The following AACS variants were observed in gnomAD, a reference collection of about 807,000 sequenced individuals.
AACS encodes acetoacetyl-CoA synthetase, also known as acetoacetate-CoA ligase.
Under a neutral mutation model 83.1 loss-of-function variants are expected in AACS, and 69 were observed. That is an observed-to-expected ratio of 0.83 (90% confidence interval 0.68 to 1.01). The LOEUF (loss-of-function observed/expected upper bound fraction) is 1.01. AACS is among the 50% of genes least tolerant of loss of function. The pLI, the probability that AACS is intolerant of heterozygous loss-of-function variation, is 0.00. For missense variants in AACS, 866 were observed against 882.2 expected (o/e 0.98, Z 0.23); for synonymous variants, 333 against 343.4 (o/e 0.97, Z 0.33).
At chr12:125,116,584 C>T (rs961403564) in intron 9 of AACS, among the ~76,000 whole-genome samples, 4 of 152,194 alleles carry the variant, frequency 2.6e-5, no homozygotes, top group African/African-American at 9.7e-5. Flanking sequence ...CTGCCTCAGC[C>T]TCCCGAGTAG....
In AACS at chr12:125,142,669, T is replaced by A. The variant is rs1957518914; in HGVS notation, c.*440T>A. ...TCCTGTTTTCCCTCAGGGTCCAGTA[T>A]GCCTTTGAGCTTTAGCTGTTAGAAA... On this transcript the variant is annotated 3_prime_UTR_variant, in exon 18 of 18. Transcript: ENST00000316519. The A allele has an allele frequency of 6.3e-6, 1 of 158,260 alleles. No individual in the cohort carries two copies. Among genetic ancestry groups the A allele is most frequent in the Non-Finnish European group, 1.4e-5 (1 of 71,694 alleles). 9.8% of individuals were successfully genotyped at this position (158,260 alleles called of 1,614,324 possible). A position where few individuals can be genotyped will look rare whatever the true frequency, so the allele number is the denominator to read the frequency against.
chr12:125,117,735 C>T (rs1019240029), intron 9 of AACS: 4 of 152,230 alleles, frequency 2.6e-5, no homozygotes, highest in Admixed American at 2.6e-4. Flanking sequence ...CCTGTAATAC[C>T]AGCACTTTGT....
intron 5 of AACS, among the ~76,000 whole-genome samples, chr12:125,093,768 T>C (rs1004850976): frequency 6.6e-6 from 1 of 152,198 alleles, no homozygotes; most frequent in African/African-American, 2.4e-5. Context: ...CTGTCGCTCA[T>C]TTTGCTAGTG....
chr12:125,128,345 T>A, intron 13 of AACS, 71 bp downstream of exon 13: 1 of 1,368,386 alleles, frequency 7.3e-7, no homozygotes, highest in Non-Finnish European at 1.0e-6. Context: ...TTCGGATGTG[T>A]AACTTTGCTT....
In AACS at chr12:125,143,304, G is replaced by A. The variant is rs895645805; in HGVS notation, c.*1075G>A. ...AATTTTATGCAATAAATGTATACAT[G>A]TGTGCACATGCACCCATGCTGTGTG... is the stretch of plus-strand genomic sequence containing the variant. On this transcript the variant is annotated 3_prime_UTR_variant, in exon 18 of 18. Coordinates refer to ENST00000316519, the MANE Select transcript of AACS (RefSeq NM_023928.5). 3.3e-5 allele frequency: 5 copies of A among 152,298 alleles called. No individual in the cohort carries two copies. The highest frequency in any genetic ancestry group is 7.2e-5 in the African/African-American group (3 of 41,466). 9.4% of individuals were successfully genotyped at this position (152,298 alleles called of 1,614,324 possible).
intron 3 of AACS, among the ~76,000 whole-genome samples, chr12:125,084,374 A>G (rs1182313167): frequency 6.8e-6 from 1 of 147,098 alleles, no homozygotes; most frequent in South Asian, 2.2e-4. Context: ...TCCCTCCCTC[A>G]CTTCCTCCCC....
intron 5 of AACS, among the ~76,000 whole-genome samples, chr12:125,099,945 G>A (rs1956681675): frequency 6.6e-6 from 1 of 152,160 alleles, no homozygotes; most frequent in Admixed American, 6.5e-5. Flanking sequence ...CAAAGTGCTG[G>A]GATTACAGGC....
chr12:125,076,577 C>T lies in AACS; in HGVS notation c.324C>T (p.His108=). 1 of 1,614,170 alleles carries T rather than the reference C, an allele frequency of 6.2e-7. No homozygotes were observed. The highest frequency in any genetic ancestry group is 8.5e-7 in the Non-Finnish European group (1 of 1,180,028). The part of the protein sequence containing the change: ...RLNYAENLLR[H]KENDRVALYI... ...ACTATGCAGAAAACCTCCTGCGGCA[C>T]AAAGAGAATGACAGAGTTGCCCTTT... Residue 108 remains histidine, a synonymous_variant, in exon 3 of 18, where the codon CAC becomes CAT. Coordinates refer to ENST00000316519, the MANE Select transcript of AACS (RefSeq NM_023928.5).
At chr12:125,092,861 G>A (rs530943148) in intron 5 of AACS, among the ~76,000 whole-genome samples, 66 of 152,344 alleles carry the variant, frequency 4.3e-4, no homozygotes, top group African/African-American at 1.3e-3. Flanking sequence ...AGACCCCTCA[G>A]CCGACCTTGA....
rs143459070 is a variant in AACS at position 125,088,285 on chromosome 12, G to A, written c.472+1842G>A. On this transcript the variant is annotated intron_variant, in intron 4 of 17. Transcript: ENST00000316519. Reference sequence around the variant, plus strand: ...CTCACTCTGTTGCCCAGGCTGGACTGCAGTGGCGTGATCATGGCTCAACTG... The same window carrying A: ...CTCACTCTGTTGCCCAGGCTGGACTACAGTGGCGTGATCATGGCTCAACTG... Among the ~76,000 whole-genome samples the A allele has an allele frequency of 6.0e-3, 883 of 147,640 alleles. 12 individuals are homozygous for A. Among genetic ancestry groups the A allele is most frequent in the African/African-American group, 0.021 (842 of 39,788 alleles).
In AACS at chr12:125,129,689, C is replaced by G. The variant is rs1957302188; in HGVS notation, c.1549+229C>G. Among the ~76,000 whole-genome samples the G allele has an allele frequency of 6.6e-6, 1 of 152,192 alleles. No homozygotes were observed. Among genetic ancestry groups the G allele is most frequent in the South Asian group, 2.1e-4 (1 of 4,834 alleles). On this transcript the variant is annotated intron_variant, in intron 14 of 17. Transcript: ENST00000316519. This position sits in a 1 kb window ranked among gnomAD's most constrained non-coding sequence, Gnocchi z 4.3. ...ACTGCAATCTGGTTTAGTTGAATCTCAGCCACCTCTGCCCAGAGCCTCTTG... is the reference window on the plus strand; with the variant it reads ...ACTGCAATCTGGTTTAGTTGAATCTGAGCCACCTCTGCCCAGAGCCTCTTG...
chr12:125,118,375 C>T, intron 9 of AACS: 1 of 438,572 alleles, frequency 2.3e-6, no homozygotes, highest in South Asian at 2.2e-5. Context: ...GTGTCGATAA[C>T]ACCTACATTG....
In AACS at chr12:125,073,934, G is replaced by A. The variant is rs771319503; in HGVS notation, c.192G>A (p.Glu64=). The change falls in exon 2 of 18, where the codon GAG becomes GAA. Residue 64 remains glutamate, a synonymous_variant. Transcript: ENST00000316519. ...AGTCATATTCAGACTTCTGGGCAGA[G>A]TTCTGGAAATTCAGTGGAATTGTCT... ...SVESYSDFWA[E]FWKFSGIVFS... 1 of 1,614,164 alleles carries A rather than the reference G, an allele frequency of 6.2e-7. No individual in the cohort carries two copies. Among genetic ancestry groups the A allele is most frequent in the South Asian group, 1.1e-5 (1 of 91,084 alleles).
intron 10 of AACS, among the ~76,000 whole-genome samples, chr12:125,119,224 TG>T (rs1957111642): frequency 6.6e-6 from 1 of 152,184 alleles, no homozygotes; most frequent in African/African-American, 2.4e-5. Context: ...GCACCTGAAA[TG>T]GACTCTCTTA....
rs190678328 is a variant in AACS, at chr12:125,079,204, G to A, written c.358+2593G>A. ...GGGGAACAGCCAGGAAGGCTGAGCT[G>A]GGGGGCCTCGGTGGTGAGTCCAGGA... On this transcript the variant is annotated intron_variant, in intron 3 of 17. Coordinates refer to ENST00000316519, the MANE Select transcript of AACS (RefSeq NM_023928.5). Among the ~76,000 whole-genome samples the A allele has an allele frequency of 5.3e-3, 812 of 152,260 alleles. 4 individuals are homozygous for A. Among genetic ancestry groups the A allele is most frequent in the Non-Finnish European group, 8.8e-3 (599 of 68,018 alleles).
chr12:125,081,788 G>A (rs1200798678), intron 3 of AACS, among the ~76,000 whole-genome samples: 1 of 152,036 alleles, frequency 6.6e-6, no homozygotes, highest in Non-Finnish European at 1.5e-5. Flanking sequence ...TGGGAATGTG[G>A]GAGAGGTAAT....
At position 125,136,736 on chromosome 12, in the gene AACS, C is replaced by T. The variant is rs141114409; in HGVS notation, c.1753C>T (p.Leu585Phe). 8.7e-6 allele frequency: 14 copies of T among 1,614,030 alleles called. No individual in the cohort carries two copies. The South Asian group carries it at 1.4e-4, about 16-fold the overall frequency. The change falls in exon 17 of 18, where the codon CTC (leucine) becomes TTC (phenylalanine). Residue 585 changes from leucine (L) to phenylalanine (F), a missense_variant. By Grantham distance (22) the Leu-to-Phe change is conservative. Coordinates refer to ENST00000316519, the MANE Select transcript of AACS (RefSeq NM_023928.5). ...CAAGTACAGGGAGGAGAGGGTGATC[C>T]TCTTCCTGAAGATGGCCTCCGGGCA... Reference protein sequence around the residue: ...YNKYREERVILFLKMASGHAF... With the variant: ...YNKYREERVIFFLKMASGHAF...
chr12:125,072,194 C>T (rs1386389315), intron 1 of AACS, among the ~76,000 whole-genome samples: 1 of 147,648 alleles, frequency 6.8e-6, no homozygotes, highest in South Asian at 2.2e-4. Context: ...CACTCTGTCG[C>T]CCACCCAGGC....
intron 10 of AACS, chr12:125,120,831 G>C (rs1957141637): frequency 6.6e-6 from 1 of 152,314 alleles, no homozygotes; most frequent in African/African-American, 2.4e-5. Context: ...CTTGTGAAAG[G>C]GAGCGTGGGA....
Sources: gnomAD v4.1 joint callset for allele counts (sites outside exome capture counted in the v4.1 genomes callset) on GRCh38, gnomAD v4.1.1 for gene constraint, Gnocchi (gnomAD v3.1) non-coding constraint, MANE v1.5 for transcripts, NCBI Gene and HGNC (gene_info 2026-07-23, HGNC 2026-07-21) for gene names.